The following IDO1 variants were observed in gnomAD, a reference collection of about 807,000 sequenced individuals.
IDO1 encodes the protein indoleamine 2,3-dioxygenase 1, also known as indolamine 2,3 dioxygenase.
Under a neutral mutation model 38.8 loss-of-function variants are expected in IDO1, and 35 were observed. The observed-to-expected ratio is 0.90, with a 90% confidence interval of 0.69 to 1.20. IDO1 has a LOEUF of 1.20. IDO1 is among the 50% of genes most tolerant of loss of function. The pLI is 0.00. For synonymous variants in IDO1, 171 were observed against 170.0 expected, an observed-to-expected ratio of 1.01 and a Z score of -0.05; for missense variants, 509 against 485.1, an observed-to-expected ratio of 1.05 and a Z score of -0.46.
intron 9 of IDO1, among the ~76,000 whole-genome samples, chr8:39,927,027 T>C (rs746944606): frequency 1.3e-5 from 2 of 152,196 alleles, no homozygotes; most frequent in Non-Finnish European, 2.9e-5. Flanking sequence ...TGTGAAGCGC[T>C]TGATTTCATT....
At chr8:39,919,104 C>A in intron 4 of IDO1, 171 bp downstream of exon 4, 1 of 741,116 alleles carries the variant, frequency 1.3e-6, no homozygotes, top group Non-Finnish European at 2.5e-6. Flanking sequence ...TCTACCACTA[C>A]AAATGTACAC....
At chr8:39,916,322 C>CA (rs1267227764) in intron 1 of IDO1, among the ~76,000 whole-genome samples, 10 of 149,714 alleles carry the variant, frequency 6.7e-5, no homozygotes, top group South Asian at 2.1e-4. Flanking sequence ...ACTAAAAATG[C>CA]AAAAAAAAAT....
intron 4 of IDO1, 193 bp downstream of exon 4, chr8:39,919,126 G>A (rs1283035987): frequency 2.8e-6 from 2 of 723,016 alleles, no homozygotes; most frequent in Non-Finnish European, 5.1e-6. Context: ...TATGTGACAG[G>A]TGTATAGTTA....
At position 39,914,020 on chromosome 8, in the gene IDO1, G is replaced by T. The variant is rs771272319; in HGVS notation, c.87+11G>T. The T allele has an allele frequency of 3.2e-6, 5 of 1,546,540 alleles. No individual in the cohort carries two copies. The highest frequency in any genetic ancestry group is 4.4e-6 in the Non-Finnish European group (5 of 1,139,622). ...CTGCCAAATCCACAGGTAAGAGAAG[G>T]CAGTAAAATGTGGGAAAATGCATTC... On this transcript the variant is annotated intron_variant, in intron 1 of 9. Transcript: ENST00000518237.
Position 39,917,942 on chromosome 8 carries a change from C to T in IDO1, c.155C>T (p.Ser52Phe), listed in dbSNP as rs755574786. The change falls in exon 2 of 10, where the codon TCT becomes TTT. Residue 52 changes from serine to phenylalanine, a missense_variant. Physicochemically the swap from Ser to Phe is radical, Grantham distance 155. Coordinates refer to ENST00000518237, the MANE Select transcript of IDO1 (RefSeq NM_002164.6). The stretch of plus-strand genomic sequence containing the variant: ...AAACATCTGCCTGATCTCATAGAGT[C>T]TGGCCAGCTTCGAGAAAGAGTTGAG... ...IAKHLPDLIE[S>F]GQLRERVEKL... 1.9e-6 allele frequency: 3 copies of T among 1,613,112 alleles called. No individual in the cohort carries two copies. Among genetic ancestry groups the T allele is most frequent in the East Asian group, 2.2e-5 (1 of 44,874 alleles).
Position 39,918,912 on chromosome 8 carries a change from G to A in IDO1, c.401G>A (p.Trp134Ter). 1.9e-6 allele frequency: 3 copies of A among 1,587,622 alleles called. No homozygotes were observed. The highest frequency in any genetic ancestry group is 2.6e-6 in the Non-Finnish European group (3 of 1,156,026). Residue 134 changes from tryptophan (W) to a stop codon, truncating the protein, a stop_gained, in exon 4 of 10, where the codon TGG (tryptophan) becomes TAG (stop). Coordinates refer to ENST00000518237, the MANE Select transcript of IDO1 (RefSeq NM_002164.6). LOFTEE classifies it high-confidence loss of function. ...LVYADCVLANWKKKDPNKPLT... is the reference protein window; with the variant it reads ...LVYADCVLAN ...TATGCAGACTGTGTCTTGGCAAACT[G>A]GAAGAAAAAGGATCCTAATAAGTAT...
At chr8:39,921,193 A>AT (rs571022191) in intron 5 of IDO1, among the ~76,000 whole-genome samples, 18 of 149,820 alleles carry the variant, frequency 1.2e-4, no homozygotes, top group African/African-American at 1.9e-4. Flanking sequence ...AAAAAGATTA[A>AT]TTTTTTTTTT....
At chr8:39,924,362 A>G (rs182414633) in intron 7 of IDO1, among the ~76,000 whole-genome samples, 28 of 152,316 alleles carry the variant, frequency 1.8e-4, no homozygotes, top group African/African-American at 6.7e-4. Context: ...CCCTGTCTCC[A>G]AACAATTTTT....
chr8:39,917,578 G>C (rs1157443028), intron 1 of IDO1, among the ~76,000 whole-genome samples: 1 of 152,228 alleles, frequency 6.6e-6, no homozygotes, highest in African/African-American at 2.4e-5. Context: ...AGAATTTATA[G>C]TGGAGGAGAT....
chr8:39,915,274 T>A (rs1807157793), intron 1 of IDO1, among the ~76,000 whole-genome samples: 1 of 152,202 alleles, frequency 6.6e-6, no homozygotes, highest in African/African-American at 2.4e-5. Flanking sequence ...TCTTTCAATC[T>A]TCAGTTTAAC....
At chr8:39,918,777 AACAAC>A in intron 3 of IDO1, 33 bp from the exon 4 acceptor site, 1 of 975,734 alleles carries the variant, frequency 1.0e-6, no homozygotes, top group Non-Finnish European at 1.6e-6. Flanking sequence ...AAACAACAAC[AACAAC>A]AACAAAAAAC....
intron 4 of IDO1, among the ~76,000 whole-genome samples, chr8:39,919,697 G>T (rs533983330): frequency 5.3e-5 from 8 of 151,980 alleles, no homozygotes; most frequent in African/African-American, 1.9e-4. Flanking sequence ...AAAATTCACC[G>T]GGAATGGTGG....
intron 5 of IDO1, 48 bp downstream of exon 5, chr8:39,920,162 A>G: frequency 1.4e-6 from 2 of 1,467,322 alleles, no homozygotes; most frequent in Non-Finnish European, 1.9e-6. Context: ...TGTTACTTAT[A>G]GTTGAATGTA....
At chr8:39,916,183 A>T (rs1260459379) in intron 1 of IDO1, among the ~76,000 whole-genome samples, 2 of 149,630 alleles carry the variant, frequency 1.3e-5, no homozygotes, top group Non-Finnish European at 3.0e-5. Context: ...AATAATAATA[A>T]TAGTAATTCT....
At chr8:39,923,661 G>A in intron 7 of IDO1, 75 bp downstream of exon 7, 4 of 802,592 alleles carry the variant, frequency 5.0e-6, no homozygotes, top group Admixed American at 5.1e-5. Flanking sequence ...TGAAAAAAGG[G>A]AAGCAAAAAG....
At chr8:39,918,775 A>G (rs1563415120) in intron 3 of IDO1, 40 bp from the exon 4 acceptor site, 1 of 918,640 alleles carries the variant, frequency 1.1e-6, no homozygotes, top group Non-Finnish European at 1.7e-6. Context: ...AAAAACAACA[A>G]CAACAACAAC....
intron 7 of IDO1, 123 bp from the exon 8 acceptor site, chr8:39,924,598 T>C (rs967384451): frequency 2.9e-6 from 2 of 679,256 alleles, no homozygotes; most frequent in African/African-American, 1.8e-5. Context: ...TTGTTTAGCA[T>C]AGACTGACCT....
intron 8 of IDO1, 58 bp from the exon 9 acceptor site, chr8:39,925,165 A>G: frequency 6.8e-7 from 1 of 1,475,892 alleles, no homozygotes; most frequent in Non-Finnish European, 9.0e-7. Flanking sequence ...TTGGTACCTG[A>G]AAATTAGCAA....
intron 6 of IDO1, among the ~76,000 whole-genome samples, chr8:39,923,179 G>A (rs540537369): frequency 1.3e-3 from 195 of 152,192 alleles, no homozygotes; most frequent in East Asian, 1.7e-3. Context: ...TGAAGTGGGC[G>A]GATCACTTGA....
Sources: allele counts gnomAD v4.1 joint callset (sites outside exome capture counted in the v4.1 genomes callset), GRCh38; gene constraint gnomAD v4.1.1; transcripts MANE v1.5; gene names NCBI Gene and HGNC (gene_info 2026-07-23, HGNC 2026-07-21).